Variants in RANBP2 observed in about 807,000 individuals in gnomAD.
The protein encoded by RANBP2 is E3 SUMO-protein ligase RanBP2.
In RANBP2, 57 loss-of-function variants were observed where a neutral mutation model predicts 303.6. That is an observed-to-expected ratio of 0.19 (90% CI 0.15 to 0.23). The LOEUF (loss-of-function observed/expected upper bound fraction) is 0.23, where lower values mean the gene tolerates loss of function less well. Ranked by LOEUF, RANBP2 falls within the 10% of genes least tolerant of loss-of-function variation. The pLI is 1.00. For synonymous variants in RANBP2, 1,167 were observed against 1,301.5 expected, an observed-to-expected ratio of 0.90 and a Z score of 2.23; for missense variants, 3,138 against 3,780.8, an observed-to-expected ratio of 0.83 and a Z score of 4.46.
At chr2:109,478,920 G>C in the RANBP2 span, among the ~76,000 whole-genome samples, 1 of 152,172 alleles carries the variant, frequency 6.6e-6, no homozygotes, top group African/African-American at 2.4e-5. Flanking sequence ...AATTGGGGCA[G>C]GGCATGACAG....
At chr2:108,917,893 C>A in the RANBP2 span, among the ~76,000 whole-genome samples, 1 of 152,244 alleles carries the variant, frequency 6.6e-6, no homozygotes, top group Admixed American at 6.5e-5. Flanking sequence ...GGATAATCAG[C>A]CCTGGGTGGG....
chr2:109,252,175 G>A, the RANBP2 span, among the ~76,000 whole-genome samples: 1 of 151,508 alleles, frequency 6.6e-6, no homozygotes, highest in Non-Finnish European at 1.5e-5. Context: ...TTAAGCCTGG[G>A]AGGCAGAGGT....
chr2:108,854,109 A>G, the RANBP2 span, among the ~76,000 whole-genome samples: 1 of 134,416 alleles, frequency 7.4e-6, no homozygotes, highest in Admixed American at 8.5e-5. Flanking sequence ...TATAATAAAT[A>G]TATATAATAT....
chr2:109,335,233 T>C, the RANBP2 span, among the ~76,000 whole-genome samples: 1 of 152,250 alleles, frequency 6.6e-6, no homozygotes, highest in South Asian at 2.1e-4. Context: ...CTGTGGGGAC[T>C]GTGGGGCAAG....
the RANBP2 span, among the ~76,000 whole-genome samples, chr2:108,951,346 T>C: frequency 6.6e-6 from 1 of 152,344 alleles, no homozygotes; most frequent in East Asian, 1.9e-4. Context: ...CACAAAGAAC[T>C]GAACCATCAG....
At chr2:109,342,506 T>C in the RANBP2 span, among the ~76,000 whole-genome samples, 1 of 152,214 alleles carries the variant, frequency 6.6e-6, no homozygotes, top group African/African-American at 2.4e-5. Context: ...CCGTGACAAG[T>C]GCTCTCCTTG....
chr2:109,032,909 T>C, the RANBP2 span, among the ~76,000 whole-genome samples: 1 of 152,236 alleles, frequency 6.6e-6, no homozygotes, highest in Admixed American at 6.5e-5. Context: ...AAGTGCATCC[T>C]ATGTCACCAG....
the RANBP2 span, among the ~76,000 whole-genome samples, chr2:109,247,001 C>G: frequency 6.6e-6 from 1 of 152,242 alleles, no homozygotes; most frequent in Admixed American, 6.5e-5. Flanking sequence ...TAGTCTCTTT[C>G]TGGTCGGACC....
chr2:109,254,755 T>C, the RANBP2 span, among the ~76,000 whole-genome samples: 6 of 152,256 alleles, frequency 3.9e-5, no homozygotes, highest in East Asian at 7.7e-4. Flanking sequence ...GCCGGGACTT[T>C]AGTGGCTCGG....
the RANBP2 span, chr2:108,896,204 C>G: frequency 6.6e-6 from 1 of 152,266 alleles, no homozygotes; most frequent in Non-Finnish European, 1.5e-5. Flanking sequence ...GTGAGCTCTT[C>G]CATTATTGAC....
At chr2:109,633,627 G>A in the RANBP2 span, among the ~76,000 whole-genome samples, 1 of 152,084 alleles carries the variant, frequency 6.6e-6, no homozygotes, top group Admixed American at 6.6e-5. Context: ...GCCCTGCAGA[G>A]CCACCGCCAA....
chr2:109,161,212 G>A, the RANBP2 span, among the ~76,000 whole-genome samples: 1 of 152,340 alleles, frequency 6.6e-6, no homozygotes, highest in Admixed American at 6.5e-5. Flanking sequence ...GGGCAGGTGA[G>A]AGGTGGGGAA....
the RANBP2 span, among the ~76,000 whole-genome samples, chr2:109,180,798 C>G: frequency 6.6e-6 from 1 of 152,180 alleles, no homozygotes; most frequent in Admixed American, 6.5e-5. Flanking sequence ...TCTGGTATGT[C>G]TATCAGCAGT....
Position 108,771,814 on chromosome 2 carries a change from C to A in RANBP2, c.7963C>A (p.Pro2655Thr). Residue 2655 changes from proline to threonine, a missense_variant, in exon 21 of 29, where the codon CCA (proline) becomes ACA (threonine). Around this residue, in one of 20 missense-constraint regions of RANBP2, gnomAD observed 497 missense variants for 465.8 expected, o/e 1.07. Coordinates refer to ENST00000283195, the MANE Select transcript of RANBP2 (RefSeq NM_006267.5). Reference sequence around the variant, plus strand: ...CCTTGCAACCAAACTTAAACTTCCTCCAACTTTCTTCTGCTACAAGAATAG... The same window carrying A: ...CCTTGCAACCAAACTTAAACTTCCTACAACTTTCTTCTGCTACAAGAATAG... ...KALATKLKLP[P>T]TFFCYKNRPD... The A allele has an allele frequency of 1.2e-6, 2 of 1,614,040 alleles. No homozygotes were observed. The highest frequency in any genetic ancestry group is 1.3e-5 in the African/African-American group (1 of 75,052).
the RANBP2 span, among the ~76,000 whole-genome samples, chr2:109,526,956 A>G: frequency 1.3e-5 from 2 of 152,178 alleles, no homozygotes; most frequent in African/African-American, 4.8e-5. Context: ...GGGGCTGGGT[A>G]TGCACAAGGA....
chr2:109,557,717 G>A, the RANBP2 span, among the ~76,000 whole-genome samples: 3 of 152,038 alleles, frequency 2.0e-5, no homozygotes, highest in African/African-American at 4.8e-5. Context: ...GAAAGAGAAT[G>A]GTCTATAAAG....
chr2:109,706,365 C>A, the RANBP2 span, among the ~76,000 whole-genome samples: 3 of 152,336 alleles, frequency 2.0e-5, no homozygotes, highest in East Asian at 1.9e-4. Flanking sequence ...CCTGCCAGTC[C>A]TTGGAGAGGC....
the RANBP2 span, among the ~76,000 whole-genome samples, chr2:109,309,972 A>C: frequency 7.9e-6 from 1 of 126,386 alleles, no homozygotes; most frequent in South Asian, 2.6e-4. Flanking sequence ...AATTGAACTC[A>C]GCTCTGCACC....
the RANBP2 span, among the ~76,000 whole-genome samples, chr2:108,978,651 A>G: frequency 6.6e-6 from 1 of 152,174 alleles, no homozygotes; most frequent in Non-Finnish European, 1.5e-5. Context: ...AGAGAGACCT[A>G]GTTAGAACCT....
Sources: allele counts gnomAD v4.1 joint callset (sites outside exome capture counted in the v4.1 genomes callset), GRCh38; gene constraint gnomAD v4.1.1; regional missense constraint gnomAD v4.1.1; transcripts MANE v1.5; gene names NCBI Gene and HGNC (gene_info 2026-07-23, HGNC 2026-07-21).